The following MIS18BP1 variants were observed in gnomAD, a reference collection of about 807,000 sequenced individuals.
MIS18BP1 encodes MIS18 binding protein 1.
A neutral mutation model predicts 116.1 loss-of-function variants in MIS18BP1; 72 were observed. That is an observed-to-expected ratio of 0.62 (90% CI 0.51 to 0.75). The LOEUF (loss-of-function observed/expected upper bound fraction) is 0.75, where lower values mean the gene tolerates loss of function less well. MIS18BP1 is among the 30% of genes least tolerant of loss of function. MIS18BP1 has a pLI of 0.00. For missense variants in MIS18BP1, 1,363 were observed against 1,303.2 expected, an observed-to-expected ratio of 1.05 and a Z score of -0.71; for synonymous variants, 386 against 427.0, an observed-to-expected ratio of 0.90 and a Z score of 1.18.
intron 1 of MIS18BP1, among the ~76,000 whole-genome samples, chr14:45,247,970 CT>C (rs1458373724): frequency 4.1e-5 from 6 of 147,742 alleles, no homozygotes; most frequent in Non-Finnish European, 8.9e-5. Context: ...TGTTTTCATT[CT>C]GATTTTTTTT....
At position 45,203,345 on chromosome 14, in the gene MIS18BP1, G is replaced by C. The variant is rs1220344258; in HGVS notation, c.*764C>G. 1 of 152,056 alleles carries C rather than the reference G, an allele frequency of 6.6e-6. No homozygotes were observed. Among genetic ancestry groups the C allele is most frequent in the Non-Finnish European group, 1.5e-5 (1 of 68,002 alleles). 9.4% of individuals were successfully genotyped at this position (152,056 alleles called of 1,614,324 possible). On this transcript the variant is annotated 3_prime_UTR_variant, in exon 17 of 17. Coordinates refer to ENST00000310806, the MANE Select transcript of MIS18BP1 (RefSeq NM_018353.5). ...AAAGAAATTTCAGTGAAAGAAAAAG[G>C]ATGTTTATTATGACATAATATATTG...
intron 8 of MIS18BP1, among the ~76,000 whole-genome samples, chr14:45,228,041 T>C (rs780307015): frequency 2.6e-5 from 4 of 152,156 alleles, no homozygotes; most frequent in Admixed American, 6.5e-5. Context: ...TGCAAGCCTA[T>C]GGTCCCAGAT....
chr14:45,230,998 A>G, intron 8 of MIS18BP1, 143 bp downstream of exon 8: 2 of 714,736 alleles, frequency 2.8e-6, no homozygotes, highest in Non-Finnish European at 4.2e-6. Context: ...TATAGTAGTG[A>G]AGAAGCAGGA....
In MIS18BP1 at chr14:45,224,003, T is replaced by G; in HGVS notation, c.2584A>C (p.Lys862Gln). 3 of 1,613,650 alleles carry G rather than the reference T, an allele frequency of 1.9e-6. No homozygotes were observed. The highest frequency in any genetic ancestry group is 2.2e-5 in the South Asian group (2 of 90,990). The change falls in exon 11 of 17, where the codon AAG (lysine) becomes CAG (glutamine). Residue 862 changes from lysine (K) to glutamine (Q), a missense_variant. By Grantham distance (53) the Lys-to-Gln change is moderately conservative. Transcript: ENST00000310806. ...CATTCTAAGGGATGCCTATTTGTCTTATCAGATCCTACTGCCTCAGTAATT... is the reference window on the plus strand; with the variant it reads ...CATTCTAAGGGATGCCTATTTGTCTGATCAGATCCTACTGCCTCAGTAATT... ...FPITEAVGSD[K>Q]TNRHPLECLP...
chr14:45,249,466 C>T (rs986385707), intron 1 of MIS18BP1, among the ~76,000 whole-genome samples: 1 of 152,240 alleles, frequency 6.6e-6, no homozygotes, highest in Non-Finnish European at 1.5e-5. Flanking sequence ...AGTGATCCTT[C>T]TGATTTGGCC....
chr14:45,216,877 T>C (rs187709483), intron 13 of MIS18BP1, 142 bp downstream of exon 13: 74 of 832,720 alleles, frequency 8.9e-5, no homozygotes, highest in Admixed American at 6.5e-4. Flanking sequence ...TATCAGCACA[T>C]TGTTTGCCAT....
rs57622947 is a variant in MIS18BP1 at position 45,232,187 on chromosome 14, T to C, written c.1436+546A>G. ...ATCCCAGCACTTTGGGAGGCCAAGG[T>C]GGGTGGATCAGGAGGTCAGGAGATC... On this transcript the variant is annotated intron_variant, in intron 7 of 16. Transcript: ENST00000310806. Among the ~76,000 whole-genome samples the C allele has an allele frequency of 9.7e-3, 1,459 of 149,658 alleles. 13 individuals are homozygous for C. The highest frequency in any genetic ancestry group is 0.032 in the African/African-American group (1,313 of 40,720).
At chr14:45,226,172 T>C (rs188551871) in intron 10 of MIS18BP1, among the ~76,000 whole-genome samples, 2 of 152,336 alleles carry the variant, frequency 1.3e-5, no homozygotes, top group East Asian at 3.9e-4. Flanking sequence ...CTATCTTGGA[T>C]ACTTAAACCG....
chr14:45,217,936 T>G (rs1890868098), intron 12 of MIS18BP1, among the ~76,000 whole-genome samples: 1 of 152,208 alleles, frequency 6.6e-6, no homozygotes, highest in African/African-American at 2.4e-5. Flanking sequence ...ATCATGGGAC[T>G]ATGAAAACTG....
intron 5 of MIS18BP1, among the ~76,000 whole-genome samples, chr14:45,237,012 C>CTTTTTTTTTT (rs11329365): frequency 7.3e-6 from 1 of 137,000 alleles, no homozygotes; most frequent in Admixed American, 7.4e-5. Flanking sequence ...ACAGTTATAA[C>CTTTTTTTTTT]TTTTTTTTTT....
rs1010111489 is a variant in MIS18BP1, at chr14:45,227,525, A to G, written c.1746+138T>C. The G allele has an allele frequency of 1.6e-5, 11 of 695,508 alleles. No homozygotes were observed. In the African/African-American group the frequency reaches 1.9e-4, roughly 12 times the overall value. 43.1% of individuals were successfully genotyped at this position (695,508 alleles called of 1,614,324 possible). On this transcript the variant is annotated intron_variant, in intron 9 of 16. Coordinates refer to ENST00000310806, the MANE Select transcript of MIS18BP1 (RefSeq NM_018353.5). ...ACGCCACTGCACTCCAGCCTGGGCA[A>G]TAGAGGGAGACTCCATCTCAAAAGA...
intron 4 of MIS18BP1, among the ~76,000 whole-genome samples, chr14:45,238,357 G>C (rs1003212979): frequency 1.3e-5 from 2 of 151,974 alleles, no homozygotes; most frequent in African/African-American, 4.8e-5. Context: ...AACTACTTCT[G>C]ATGAGAAAAA....
chr14:45,232,576 C>G (rs1891317297), intron 7 of MIS18BP1, 157 bp downstream of exon 7: 1 of 612,376 alleles, frequency 1.6e-6, no homozygotes, highest in Admixed American at 2.7e-5. Flanking sequence ...AGGCGGATCA[C>G]TTGTAGCCAG....
intron 14 of MIS18BP1, among the ~76,000 whole-genome samples, chr14:45,207,992 C>T (rs1890566492): frequency 6.6e-6 from 1 of 152,134 alleles, no homozygotes; most frequent in South Asian, 2.1e-4. Context: ...ACACTGGTGT[C>T]ATTCTACAAC....
chr14:45,209,076 C>T (rs938805623), intron 14 of MIS18BP1, among the ~76,000 whole-genome samples: 2 of 152,108 alleles, frequency 1.3e-5, no homozygotes, highest in African/African-American at 4.8e-5. Flanking sequence ...AAGCCCCCCT[C>T]TCCTTCCTCC....
chr14:45,215,098 T>C (rs1339090793), intron 13 of MIS18BP1, among the ~76,000 whole-genome samples: 2 of 152,180 alleles, frequency 1.3e-5, no homozygotes, highest in Admixed American at 1.3e-4. Flanking sequence ...AAAATATACA[T>C]ATATAGAACC....
At chr14:45,229,910 G>A (rs1035302679) in intron 8 of MIS18BP1, among the ~76,000 whole-genome samples, 2 of 152,178 alleles carry the variant, frequency 1.3e-5, no homozygotes, top group African/African-American at 2.4e-5. Flanking sequence ...GGGTTGAGAA[G>A]GAACTAGGGC....
chr14:45,246,172 GC>G (rs1316984635), intron 2 of MIS18BP1, among the ~76,000 whole-genome samples: 8 of 152,112 alleles, frequency 5.3e-5, no homozygotes, highest in Non-Finnish European at 1.0e-4. Context: ...TCATTCACAT[GC>G]TCAAAACCCT....
intron 12 of MIS18BP1, 116 bp from the exon 13 acceptor site, chr14:45,217,295 A>T (rs1245236348): frequency 1.6e-6 from 2 of 1,259,746 alleles, no homozygotes; most frequent in Middle Eastern, 2.2e-4. Context: ...AAAAACCAAA[A>T]AACTCAGCCT....
Sources: allele counts gnomAD v4.1 joint callset (sites outside exome capture counted in the v4.1 genomes callset), GRCh38; gene constraint gnomAD v4.1.1; transcripts MANE v1.5; gene names NCBI Gene and HGNC (gene_info 2026-07-23, HGNC 2026-07-21).